CHLSN: variants seen among roughly 807,000 people sequenced by gnomAD.
CHLSN encodes the protein protein cholesin.
the CHLSN span, among the ~76,000 whole-genome samples, chr7:1,002,315 A>G: frequency 1.1e-3 from 50 of 45,674 alleles, no homozygotes; most frequent in East Asian, 1.5e-3. Context: ...TCCTGTGGGT[A>G]GGGAATCCTG....
the CHLSN span, among the ~76,000 whole-genome samples, chr7:1,033,766 T>C: frequency 2.0e-5 from 3 of 151,198 alleles, no homozygotes; most frequent in Admixed American, 1.3e-4. Context: ...GCCTCCTGAG[T>C]GAGGTGAGGA....
chr7:984,438 C>T, the CHLSN span: 2 of 1,548,942 alleles, frequency 1.3e-6, no homozygotes, highest in African/African-American at 1.4e-5. Flanking sequence ...GGCCGGTGTT[C>T]ACCGTGCACC....
chr7:1,015,789 C>T, the CHLSN span, among the ~76,000 whole-genome samples: 2 of 152,218 alleles, frequency 1.3e-5, no homozygotes, highest in African/African-American at 2.4e-5. Context: ...ACACCCAGCC[C>T]GGGCTTCCTC....
At chr7:1,089,974 C>T in the CHLSN span, among the ~76,000 whole-genome samples, 1 of 151,720 alleles carries the variant, frequency 6.6e-6, no homozygotes, top group South Asian at 2.1e-4. Context: ...ATCCCAGATA[C>T]TCAGGAGGCT....
At chr7:1,132,482 C>T in the CHLSN span, among the ~76,000 whole-genome samples, 1 of 152,124 alleles carries the variant, frequency 6.6e-6, no homozygotes, top group African/African-American at 2.4e-5. Flanking sequence ...TGCTTGAGCC[C>T]AGGAGTTCAA....
At chr7:1,059,595 G>A in the CHLSN span, among the ~76,000 whole-genome samples, 1 of 131,774 alleles carries the variant, frequency 7.6e-6, no homozygotes, top group Admixed American at 7.6e-5. Context: ...GGCGGGTCCC[G>A]AGTGGGGCGG....
At chr7:1,063,063 C>T in the CHLSN span, among the ~76,000 whole-genome samples, 1 of 152,148 alleles carries the variant, frequency 6.6e-6, no homozygotes, top group African/African-American at 2.4e-5. Flanking sequence ...GACCTGCCCC[C>T]TCCGTTCTCT....
chr7:1,010,501 G>C, the CHLSN span, among the ~76,000 whole-genome samples: 1 of 152,198 alleles, frequency 6.6e-6, no homozygotes, highest in South Asian at 2.1e-4. Context: ...CCCCAGGGAG[G>C]GCTGAAGGTG....
At chr7:1,071,955 C>G in the CHLSN span, among the ~76,000 whole-genome samples, 2 of 152,202 alleles carry the variant, frequency 1.3e-5, no homozygotes, top group Non-Finnish European at 2.9e-5. Context: ...GGTCGGCACA[C>G]GTGGGGAGGC....
chr7:1,134,672 TC>T, the CHLSN span, among the ~76,000 whole-genome samples: 2 of 151,646 alleles, frequency 1.3e-5, no homozygotes, highest in African/African-American at 2.4e-5. Context: ...ATCGAGACCA[TC>T]CTGGCTAACA....
At chr7:1,104,315 G>C in the CHLSN span, among the ~76,000 whole-genome samples, 6 of 152,374 alleles carry the variant, frequency 3.9e-5, no homozygotes, top group East Asian at 7.7e-4. Context: ...CGGGAGGGTT[G>C]CTGGGCCCAG....
At chr7:1,090,468 G>A in the CHLSN span, among the ~76,000 whole-genome samples, 1 of 151,648 alleles carries the variant, frequency 6.6e-6, no homozygotes, top group African/African-American at 2.4e-5. Context: ...GGGCCAGGGT[G>A]ACACGGGGTG....
the CHLSN span, chr7:1,022,867 CGAGT>C: frequency 2.7e-6 from 1 of 369,590 alleles, no homozygotes; most frequent in Non-Finnish European, 5.5e-6. Flanking sequence ...CCCACGCATA[CGAGT>C]CCAGGGGCTG....
At chr7:1,041,298 G>GGGGACCTGGGCTCCGCGCCGCGGGGAAC in the CHLSN span, among the ~76,000 whole-genome samples, 18 of 84,076 alleles carry the variant, frequency 2.1e-4, no homozygotes, top group Non-Finnish European at 3.6e-4. Context: ...CTGCGGGGAA[G>GGGGACCTGGGCTCCGCGCCGCGGGGAAC]GGGACCTGGG....
At chr7:1,134,979 C>A in the CHLSN span, among the ~76,000 whole-genome samples, 10 of 152,220 alleles carry the variant, frequency 6.6e-5, no homozygotes, top group Non-Finnish European at 1.5e-4. Flanking sequence ...AAACACCCTA[C>A]CACAATGACA....
chr7:1,138,004 C>G, the CHLSN span: 1 of 27,090 alleles, frequency 3.7e-5, no homozygotes, highest in East Asian at 4.7e-4. Flanking sequence ...CGGGACGCAC[C>G]GGCCGCACCG....
At chr7:1,127,105 G>A in the CHLSN span, 12 of 721,706 alleles carry the variant, frequency 1.7e-5, no homozygotes, top group African/African-American at 3.7e-5. Context: ...TCCTACAATC[G>A]CTTCTGGAAG....
the CHLSN span, among the ~76,000 whole-genome samples, chr7:1,015,309 A>G: frequency 6.6e-6 from 1 of 152,042 alleles, no homozygotes; most frequent in African/African-American, 2.4e-5. Flanking sequence ...GCATGAGAGC[A>G]GGTGTGGGCT....
chr7:1,133,148 A>G, the CHLSN span, among the ~76,000 whole-genome samples: 2 of 152,164 alleles, frequency 1.3e-5, no homozygotes, highest in African/African-American at 4.8e-5. Flanking sequence ...CAATAAACCC[A>G]GAAGACACTG....
Sources: allele counts gnomAD v4.1 joint callset (sites outside exome capture counted in the v4.1 genomes callset), GRCh38; gene constraint gnomAD v4.1.1; transcripts MANE v1.5; gene names NCBI Gene and HGNC (gene_info 2026-07-23, HGNC 2026-07-21).